Variants in PNPLA1 observed in about 807,000 individuals in gnomAD.
The protein encoded by PNPLA1 is omega-hydroxyceramide transacylase.
In PNPLA1, 36 loss-of-function variants were observed where a neutral mutation model predicts 51.7. The observed-to-expected ratio is 0.70, with a 90% CI of 0.53 to 0.92. The LOEUF is 0.92. Among genes scored for constraint, PNPLA1 ranks in the 40% least tolerant of loss-of-function variants. PNPLA1 has a pLI of 0.00. For missense variants in PNPLA1, 658 were observed against 682.5 expected (o/e 0.96, Z 0.40); for synonymous variants, 293 against 280.1 (o/e 1.05, Z -0.46).
At chr6:36,253,694 G>GTC (rs1769470635) in intron 1 of PNPLA1, among the ~76,000 whole-genome samples, 1 of 152,158 alleles carries the variant, frequency 6.6e-6, no homozygotes, top group Admixed American at 6.5e-5. Flanking sequence ...GCCCAGGCTG[G>GTC]TCTCAAACTC....
chr6:36,243,933 A>T (rs1477988773), intron 1 of PNPLA1, among the ~76,000 whole-genome samples: 4 of 152,318 alleles, frequency 2.6e-5, no homozygotes, highest in Admixed American at 2.6e-4. Flanking sequence ...CATTAGTCTC[A>T]ATCTCCCAAC....
At chr6:36,252,619 C>A (rs990904292) in intron 1 of PNPLA1, among the ~76,000 whole-genome samples, 18 of 151,768 alleles carry the variant, frequency 1.2e-4, no homozygotes, top group African/African-American at 3.9e-4. Flanking sequence ...AAGACACCCA[C>A]TCCACAAGAC....
At chr6:36,291,115 C>T (rs576354594) in intron 1 of PNPLA1, among the ~76,000 whole-genome samples, 27 of 152,174 alleles carry the variant, frequency 1.8e-4, no homozygotes, top group Non-Finnish European at 8.8e-5. Context: ...CTGGGCTCTC[C>T]GGAGCCAGCG....
At chr6:36,256,118 G>A (rs371608218) in intron 1 of PNPLA1, among the ~76,000 whole-genome samples, 22 of 105,726 alleles carry the variant, frequency 2.1e-4, no homozygotes, top group African/African-American at 6.9e-4. Flanking sequence ...ATTGAATGAT[G>A]CAGATTTTTA....
At chr6:36,273,992 G>T (rs7773453) in intron 1 of PNPLA1, among the ~76,000 whole-genome samples, 27,870 of 151,934 alleles carry the variant, frequency 0.18, 3,158 homozygotes, top group South Asian at 0.29. Flanking sequence ...CACGCTGTCC[G>T]CTCAGCAGCA....
At position 36,276,522 on chromosome 6, in the gene PNPLA1, G is replaced by A. The variant is rs76983905; in HGVS notation, c.205+5858G>A. Among the ~76,000 whole-genome samples the A allele has an allele frequency of 4.4e-3, 673 of 152,290 alleles. 2 individuals carry two copies. The highest frequency in any genetic ancestry group is 7.1e-3 in the Non-Finnish European group (483 of 68,016). On this transcript the variant is annotated intron_variant, in intron 1 of 8. Coordinates refer to ENST00000636260, the MANE Select transcript of PNPLA1 (RefSeq NM_001374623.1). ...CATTCACCTAGGAGGGGTGGTCTCC[G>A]TGATTGCCACTGGGGGATCCAGAAT... is the stretch of plus-strand genomic sequence containing the variant.
chr6:36,261,720 T>G (rs192579715), intron 1 of PNPLA1, among the ~76,000 whole-genome samples: 120 of 152,326 alleles, frequency 7.9e-4, no homozygotes, highest in African/African-American at 2.4e-3. Flanking sequence ...GCAAGTTTGA[T>G]TATTTTCCCA....
At position 36,294,352 on chromosome 6, in the gene PNPLA1, G is replaced by A; in HGVS notation, c.667G>A (p.Glu223Lys). ...MFNCSFQFSL[E>K]NIARMTHALF... ...CAACTGCTCCTTCCAGTTCTCCCTG[G>A]AGAACATCGCCAGGATGACCCACGC... The change falls in exon 4 of 9, where the codon GAG becomes AAG. Residue 223 changes from glutamate to lysine, a missense_variant. Transcript: ENST00000636260. This position sits in a 1 kb window ranked among gnomAD's most constrained non-coding sequence, Gnocchi z 4.2. 6.2e-7 allele frequency: 1 copy of A among 1,614,174 alleles called. No individual in the cohort carries two copies. Among genetic ancestry groups the A allele is most frequent in the South Asian group, 1.1e-5 (1 of 91,084 alleles).
intron 1 of PNPLA1, among the ~76,000 whole-genome samples, chr6:36,280,730 G>C (rs920129740): frequency 3.3e-5 from 5 of 152,070 alleles, no homozygotes; most frequent in African/African-American, 1.2e-4. Flanking sequence ...TTCCTTTCTT[G>C]TGAGTTCAAC....
chr6:36,299,314 G>T (rs187142905), intron 5 of PNPLA1, among the ~76,000 whole-genome samples: 121 of 126,024 alleles, frequency 9.6e-4, no homozygotes, highest in South Asian at 3.0e-3. Context: ...AACTTTTGGG[G>T]TTTTTTTTGT....
Position 36,291,468 on chromosome 6 carries a change from G to C in PNPLA1, c.354G>C (p.Gly118=). The change falls in exon 2 of 9, where the codon GGG becomes GGC. Residue 118 remains glycine, a synonymous_variant. Transcript: ENST00000636260. ...AGGACTCCTACAAGGTCACCACGGG[G>C]AAGCTCCATGTGAGCCTCACCCGCT... is the stretch of plus-strand genomic sequence containing the variant. The part of the protein sequence containing the change: ...LPEDSYKVTT[G]KLHVSLTRLT... 1.2e-6 allele frequency: 2 copies of C among 1,613,826 alleles called. No individual in the cohort carries two copies. The highest frequency in any genetic ancestry group is 1.7e-6 in the Non-Finnish European group (2 of 1,179,980).
chr6:36,272,186 G>A (rs1368544378), intron 1 of PNPLA1, among the ~76,000 whole-genome samples: 1 of 152,202 alleles, frequency 6.6e-6, no homozygotes, highest in Non-Finnish European at 1.5e-5. Context: ...AGAGCCCTGA[G>A]CTTGTTTTCC....
At chr6:36,308,399 A>G (rs1315145483) in intron 8 of PNPLA1, 1 of 152,188 alleles carries the variant, frequency 6.6e-6, no homozygotes, top group African/African-American at 2.4e-5. Flanking sequence ...AAACAAAACT[A>G]GACAAGTGAG....
chr6:36,282,649 C>T (rs965957007), intron 1 of PNPLA1, among the ~76,000 whole-genome samples: 1 of 152,152 alleles, frequency 6.6e-6, no homozygotes, highest in Non-Finnish European at 1.5e-5. Context: ...GTATCCCTAA[C>T]AACCTTGCTT....
intron 1 of PNPLA1, among the ~76,000 whole-genome samples, chr6:36,276,754 GTTCCTTCC>G (rs35701454): frequency 0.019 from 2,787 of 149,840 alleles, 84 homozygotes; most frequent in African/African-American, 0.057. Context: ...TCGTTCGTTC[GTTCCTTCC>G]TTCCTTCCTT....
intron 5 of PNPLA1, among the ~76,000 whole-genome samples, chr6:36,299,532 C>T (rs1474252360): frequency 2.6e-5 from 4 of 152,072 alleles, no homozygotes; most frequent in East Asian, 3.9e-4. Context: ...GACGGGGTTT[C>T]GCCATGTTGG....
At position 36,270,560 on chromosome 6, in the gene PNPLA1, C is replaced by G; in HGVS notation, c.101C>G (p.Ala34Gly). Residue 34 changes from alanine (A) to glycine (G), a missense_variant, in exon 1 of 9, where the codon GCC becomes GGC. Transcript: ENST00000636260. ...TTCTACCAGGCGGGGGCTGTGGACG[C>G]CCTGCGGGACCTGGCCCCCCGGATG... ...LSFYQAGAVD[A>G]LRDLAPRMLE... 3.9e-6 allele frequency: 6 copies of G among 1,551,602 alleles called. No individual in the cohort carries two copies. Among genetic ancestry groups the G allele is most frequent in the Non-Finnish European group, 5.2e-6 (6 of 1,147,006 alleles).
intron 2 of PNPLA1, 90 bp from the exon 3 acceptor site, chr6:36,292,971 C>G: frequency 5.3e-6 from 6 of 1,135,314 alleles, no homozygotes; most frequent in Non-Finnish European, 7.6e-6. Flanking sequence ...GAGGTCTGGG[C>G]TGGTGGTGGG....
At position 36,252,268 on chromosome 6, in the gene PNPLA1, A is replaced by G. The variant is rs138000226; in HGVS notation, c.-81+9007A>G. Reference sequence around the variant, plus strand: ...CTGAGGACTTTCTGGAGGGCTTTCTAGAAAGGGTTTTTTTCTCCCCAGTAA... The same window carrying G: ...CTGAGGACTTTCTGGAGGGCTTTCTGGAAAGGGTTTTTTTCTCCCCAGTAA... On this transcript the variant is annotated intron_variant, in intron 1 of 7. Transcript: ENST00000312917. 1.6e-3 allele frequency among the ~76,000 whole-genome samples: 250 copies of G among 152,308 alleles called. 1 individual carries two copies. The highest frequency in any genetic ancestry group is 5.7e-3 in the African/African-American group (236 of 41,568).
Sources: allele counts gnomAD v4.1 joint callset (sites outside exome capture counted in the v4.1 genomes callset), GRCh38; gene constraint gnomAD v4.1.1; non-coding constraint Gnocchi (gnomAD v3.1); transcripts MANE v1.5; gene names NCBI Gene and HGNC (gene_info 2026-07-23, HGNC 2026-07-21).